TBCK: variants seen among roughly 807,000 people sequenced by gnomAD.
The protein encoded by TBCK is TBC domain-containing protein kinase-like protein.
TBCK carries 99 observed loss-of-function variants against 113.4 expected under a neutral mutation model. The ratio of observed to expected loss-of-function variants is 0.87; its 90% CI spans 0.74 to 1.03. The LOEUF (loss-of-function observed/expected upper bound fraction) is 1.03, where lower values mean the gene tolerates loss of function less well. Among genes scored for constraint, TBCK ranks in the 50% least tolerant of loss-of-function variants. The pLI, the probability that TBCK is intolerant of heterozygous loss-of-function variation, is 0.00. For missense variants in TBCK, 1,045 were observed against 1,061.3 expected, an observed-to-expected ratio of 0.98 and a Z score of 0.21; for synonymous variants, 369 against 370.8, an observed-to-expected ratio of 1.00 and a Z score of 0.05.
chr4:106,134,323 C>A (rs528656359), intron 23 of TBCK, among the ~76,000 whole-genome samples: 1 of 151,832 alleles, frequency 6.6e-6, no homozygotes, highest in Admixed American at 6.6e-5. Flanking sequence ...ATAATAGCAT[C>A]CTGCACAGAG....
chr4:106,070,431 G>C (rs551116232), intron 25 of TBCK, among the ~76,000 whole-genome samples: 48 of 152,272 alleles, frequency 3.2e-4, no homozygotes, highest in African/African-American at 1.1e-3. Flanking sequence ...CTATTTATGT[G>C]ATGGATTACG....
Position 106,244,710 on chromosome 4 carries a change from C to G in TBCK, c.986G>C (p.Trp329Ser). Residue 329 changes from tryptophan (W) to serine (S), a missense_variant, in exon 11 of 26, where the codon TGG (tryptophan) becomes TCG (serine). By Grantham distance (177) the Trp-to-Ser change is radical. Coordinates refer to ENST00000394708, the MANE Select transcript of TBCK (RefSeq NM_001163435.3). The stretch of plus-strand genomic sequence containing the variant: ...CTCCAAGTCACCTCCAGCCAAACAC[C>G]AAAGGTAATACACTTCTTCAATAGA... ...ERSIEEVYYL[W>S]CLAGGDLEKE... The G allele has an allele frequency of 1.9e-6, 3 of 1,609,154 alleles. No homozygotes were observed. In the South Asian group the frequency reaches 3.3e-5, roughly 18 times the overall value.
intron 23 of TBCK, among the ~76,000 whole-genome samples, chr4:106,127,620 C>G (rs1175840564): frequency 6.6e-6 from 1 of 151,926 alleles, no homozygotes; most frequent in Non-Finnish European, 1.5e-5. Context: ...TGTTCATAGG[C>G]CTAAGTACAC....
chr4:106,096,594 T>C (rs1329910562), intron 24 of TBCK, among the ~76,000 whole-genome samples: 2 of 152,196 alleles, frequency 1.3e-5, no homozygotes, highest in Non-Finnish European at 2.9e-5. Flanking sequence ...TTTTCTTGTT[T>C]GGAAGAGCAC....
At chr4:106,222,012 T>A (rs564337858) in intron 19 of TBCK, among the ~76,000 whole-genome samples, 2 of 152,250 alleles carry the variant, frequency 1.3e-5, no homozygotes, top group Admixed American at 1.3e-4. Flanking sequence ...AATAAGGATA[T>A]GAATCTAGAG....
At chr4:106,232,867 A>T in intron 17 of TBCK, 71 bp downstream of exon 17, 1 of 1,455,378 alleles carries the variant, frequency 6.9e-7, no homozygotes, top group Non-Finnish European at 9.3e-7. Context: ...AGATATTTTA[A>T]TTTTTTTAAA....
chr4:106,138,346 T>C (rs956851940), intron 23 of TBCK, among the ~76,000 whole-genome samples: 1 of 141,078 alleles, frequency 7.1e-6, no homozygotes, highest in East Asian at 2.0e-4. Flanking sequence ...TATATTCAAC[T>C]GGCAAAAGGT....
chr4:106,048,220 G>T (rs187641491), intron 25 of TBCK, among the ~76,000 whole-genome samples: 5 of 152,092 alleles, frequency 3.3e-5, no homozygotes, highest in African/African-American at 1.2e-4. Flanking sequence ...AAAGGTCTCG[G>T]TCAGTAGGTG....
intron 5 of TBCK, 49 bp from the exon 6 acceptor site, chr4:106,252,056 G>A (rs376507523): frequency 1.1e-5 from 16 of 1,457,602 alleles, no homozygotes; most frequent in East Asian, 4.6e-5. Context: ...GGAAAGAAGC[G>A]ATAGTACATT....
intron 25 of TBCK, among the ~76,000 whole-genome samples, chr4:106,087,096 G>A (rs1039529035): frequency 2.6e-5 from 4 of 152,314 alleles, no homozygotes; most frequent in African/African-American, 9.6e-5. Context: ...AATCAGGCAA[G>A]AGAAAGAAAT....
intron 23 of TBCK, among the ~76,000 whole-genome samples, chr4:106,118,166 T>C (rs1743784852): frequency 6.6e-6 from 1 of 152,180 alleles, no homozygotes; most frequent in Non-Finnish European, 1.5e-5. Context: ...TCAGTTACAT[T>C]GTGGAATTCT....
In TBCK at chr4:106,116,325, A is replaced by T; in HGVS notation, c.2289T>A (p.Ile763=). The T allele has an allele frequency of 6.2e-7, 1 of 1,614,062 alleles. No individual in the cohort carries two copies. Among genetic ancestry groups the T allele is most frequent in the South Asian group, 1.1e-5 (1 of 91,054 alleles). ...ACAAGTCAATCAGGTCCTCTGCTGA[A>T]ATCCGTGGTGATACTTCTGACTTCA... ...NDLKSEVSPR[I]SAEDLIDLCE... The change falls in exon 24 of 26, where the codon ATT becomes ATA. Residue 763 remains isoleucine (I), a synonymous_variant. Coordinates refer to ENST00000394708, the MANE Select transcript of TBCK (RefSeq NM_001163435.3).
In TBCK at chr4:106,221,652, G is replaced by T. The variant is rs562476445; in HGVS notation, c.1774+8711C>A. On this transcript the variant is annotated intron_variant, in intron 19 of 25. Coordinates refer to ENST00000394708, the MANE Select transcript of TBCK (RefSeq NM_001163435.3). ...TATGCCTTTTGATTTGCAAATCAAA[G>T]AATTCAAGAGTAGTTACAAAAAAAA... 2.6e-5 allele frequency among the ~76,000 whole-genome samples: 4 copies of T among 151,138 alleles called. No homozygotes were observed. The East Asian group carries it at 5.8e-4, about 22-fold the overall frequency.
intron 9 of TBCK, 162 bp downstream of exon 9, chr4:106,248,083 A>C: frequency 2.3e-6 from 1 of 427,574 alleles, no homozygotes; most frequent in Non-Finnish European, 4.2e-6. Context: ...ATTAATTCAC[A>C]AAAAATGAAA....
intron 20 of TBCK, among the ~76,000 whole-genome samples, chr4:106,197,747 T>C (rs1394218042): frequency 6.6e-6 from 1 of 152,004 alleles, no homozygotes; most frequent in African/African-American, 2.4e-5. Context: ...ATCACACTCA[T>C]GGTCACCCCC....
intron 25 of TBCK, among the ~76,000 whole-genome samples, chr4:106,080,298 C>G (rs1738704284): frequency 6.6e-6 from 1 of 151,850 alleles, no homozygotes; most frequent in Non-Finnish European, 1.5e-5. Flanking sequence ...TATAGTAACC[C>G]AAACAGCATG....
chr4:106,064,847 A>G (rs1481939764), intron 25 of TBCK, among the ~76,000 whole-genome samples: 1 of 151,960 alleles, frequency 6.6e-6, no homozygotes, highest in Non-Finnish European at 1.5e-5. Flanking sequence ...CTGTCTCTAG[A>G]GTTGCATCCC....
intron 2 of TBCK, among the ~76,000 whole-genome samples, chr4:106,305,914 C>A (rs1227469686): frequency 1.3e-5 from 2 of 152,204 alleles, no homozygotes; most frequent in Non-Finnish European, 2.9e-5. Flanking sequence ...CATGAATAAT[C>A]CACTCATTGT....
At chr4:106,138,976 T>G (rs1233072542) in intron 23 of TBCK, among the ~76,000 whole-genome samples, 3 of 141,142 alleles carry the variant, frequency 2.1e-5, no homozygotes, top group African/African-American at 7.5e-5. Flanking sequence ...TTAGTAGAAC[T>G]GATGTTTTCA....
Sources: allele counts gnomAD v4.1 joint callset (sites outside exome capture counted in the v4.1 genomes callset), GRCh38; gene constraint gnomAD v4.1.1; transcripts MANE v1.5; gene names NCBI Gene and HGNC (gene_info 2026-07-23, HGNC 2026-07-21).